PARVB: variants seen among roughly 807,000 people sequenced by gnomAD.
The protein encoded by PARVB is beta-parvin.
Under a neutral mutation model 47.0 loss-of-function variants are expected in PARVB, and 46 were observed. That is an observed-to-expected ratio of 0.98 (90% CI 0.77 to 1.25). The LOEUF (loss-of-function observed/expected upper bound fraction) is 1.25. Among genes scored for constraint, PARVB ranks in the 50% most tolerant of loss-of-function variants. PARVB has a pLI of 0.00. For synonymous variants in PARVB, 196 were observed against 196.3 expected, an observed-to-expected ratio of 1.00 and a Z score of 0.01; for missense variants, 473 against 471.6, an observed-to-expected ratio of 1.00 and a Z score of -0.03.
intron 2 of PARVB, among the ~76,000 whole-genome samples, chr22:44,097,056 A>C (rs956756123): frequency 2.0e-5 from 3 of 149,058 alleles, no homozygotes; most frequent in African/African-American, 7.4e-5. Context: ...GTCCTGCCTC[A>C]GTCTTGGAGC....
chr22:44,021,525 C>T (rs2050647631), upstream of PARVB, among the ~76,000 whole-genome samples: 2 of 152,090 alleles, frequency 1.3e-5, no homozygotes, highest in Non-Finnish European at 1.5e-5. Context: ...AAGCTGTTTC[C>T]ACACTGCTTC....
chr22:44,098,392 T>A (rs1006379131), intron 2 of PARVB, among the ~76,000 whole-genome samples: 2 of 151,984 alleles, frequency 1.3e-5, no homozygotes, highest in African/African-American at 4.8e-5. Context: ...GCTGGGGAGC[T>A]GAGGTCTGAA....
At chr22:44,010,889 ATT>A (rs1184137879) in intron 2 of PARVB, among the ~76,000 whole-genome samples, 54 of 129,692 alleles carry the variant, frequency 4.2e-4, no homozygotes, top group African/African-American at 1.2e-3. Flanking sequence ...CACCATGCCT[ATT>A]TTTTTTTTTT....
intron 10 of PARVB, chr22:44,152,955 CAAAT>C (rs1354931662): frequency 1.3e-5 from 2 of 152,270 alleles, no homozygotes; most frequent in Admixed American, 1.3e-4. Flanking sequence ...ATAAGCAAAA[CAAAT>C]AAAAATCACC....
intron 2 of PARVB, 126 bp from the exon 3 acceptor site, chr22:44,099,927 T>C: frequency 1.3e-6 from 1 of 748,908 alleles, no homozygotes; most frequent in Non-Finnish European, 2.3e-6. Context: ...TTCCTTGCAG[T>C]CACCCTCCCC....
At chr22:44,056,389 C>T (rs565469523) in intron 1 of PARVB, among the ~76,000 whole-genome samples, 7 of 152,322 alleles carry the variant, frequency 4.6e-5, no homozygotes, top group South Asian at 2.1e-4. Context: ...CAGCGTTGCC[C>T]GGGTTCGAAT....
intron 2 of PARVB, among the ~76,000 whole-genome samples, chr22:44,098,998 C>T (rs1053365635): frequency 1.3e-4 from 20 of 152,282 alleles, no homozygotes; most frequent in Middle Eastern, 3.4e-3. Flanking sequence ...TCATTCTGAC[C>T]GACATGGTCA....
upstream of PARVB, among the ~76,000 whole-genome samples, chr22:44,020,041 G>T (rs911186045): frequency 6.6e-6 from 1 of 152,124 alleles, no homozygotes; most frequent in African/African-American, 2.4e-5. Context: ...ATTTCTCCCC[G>T]CCAGCAAGTC....
At position 44,131,682 on chromosome 22, in the gene PARVB, C is replaced by T; in HGVS notation, c.517+55C>T. The T allele has an allele frequency of 3.3e-6, 5 of 1,523,138 alleles. No individual in the cohort carries two copies. The South Asian group carries it at 6.4e-5, about 19-fold the overall frequency. 94.4% of individuals were successfully genotyped at this position (1,523,138 alleles called of 1,614,324 possible). On this transcript the variant is annotated intron_variant, in intron 5 of 12. Coordinates refer to ENST00000338758, the MANE Select transcript of PARVB (RefSeq NM_013327.5). ...GTCTGGAGGGAGCCCGTCCTCTCGA[C>T]ATTCGTCATCCACATTTGTCATCCA...
chr22:44,069,962 C>CT (rs1432052687), intron 1 of PARVB, among the ~76,000 whole-genome samples: 1 of 152,192 alleles, frequency 6.6e-6, no homozygotes, highest in Non-Finnish European at 1.5e-5. Context: ...GTAGAAGGTG[C>CT]TTTGCACTGG....
intron 3 of PARVB, chr22:44,108,204 G>A (rs116075463): frequency 2.0e-5 from 3 of 152,184 alleles, no homozygotes; most frequent in African/African-American, 7.2e-5. Flanking sequence ...AACCTTTATA[G>A]TAAGTTGGTA....
At chr22:44,130,274 G>A (rs2053280784) in intron 4 of PARVB, among the ~76,000 whole-genome samples, 1 of 152,216 alleles carries the variant, frequency 6.6e-6, no homozygotes. Context: ...CGTCGCTTTT[G>A]TTGTTTTGCA....
chr22:44,120,039 C>T, intron 4 of PARVB: 1 of 364,386 alleles, frequency 2.7e-6, no homozygotes, highest in African/African-American at 2.1e-5. Context: ...GGGGGCAGTA[C>T]TGCCATCGCC....
At chr22:44,102,514 G>A (rs1244570172) in intron 3 of PARVB, among the ~76,000 whole-genome samples, 1 of 152,132 alleles carries the variant, frequency 6.6e-6, no homozygotes, top group East Asian at 1.9e-4. Flanking sequence ...GGGGAGCTGT[G>A]TCATTCTTGC....
chr22:44,016,310 A>C lies in PARVB; in HGVS notation c.211+16637A>C, dbSNP rs7289219. Among the ~76,000 whole-genome samples the C allele has an allele frequency of 9.6e-3, 1,447 of 151,518 alleles. 25 individuals carry two copies. The highest frequency in any genetic ancestry group is 0.027 in the African/African-American group (1,097 of 41,368). ...ACGGGGTTTCACCGTGTTAGCCAGGATGGTCTCGATCTCCTGACTTCGTGA... is the reference window on the plus strand; with the variant it reads ...ACGGGGTTTCACCGTGTTAGCCAGGCTGGTCTCGATCTCCTGACTTCGTGA... On this transcript the variant is annotated intron_variant, in intron 2 of 13. Coordinates refer to the PARVB transcript ENST00000406477.
intron 1 of PARVB, among the ~76,000 whole-genome samples, chr22:44,039,041 A>G (rs1478574404): frequency 1.3e-5 from 2 of 152,198 alleles, no homozygotes; most frequent in Non-Finnish European, 2.9e-5. Flanking sequence ...CACCTGGGAA[A>G]TGCACATGAG....
chr22:44,122,581 A>C (rs1417824772), intron 4 of PARVB, among the ~76,000 whole-genome samples: 1 of 138,820 alleles, frequency 7.2e-6, no homozygotes, highest in Non-Finnish European at 1.5e-5. Context: ...AGAGAGAGAG[A>C]GAGAGAGAGA....
intron 10 of PARVB, among the ~76,000 whole-genome samples, chr22:44,154,544 T>G (rs2053878953): frequency 6.7e-6 from 1 of 149,850 alleles, no homozygotes. Flanking sequence ...GGTGTGTGTG[T>G]GTGTGTGTGT....
Position 44,036,197 on chromosome 22 carries a change from C to G in PARVB, c.112+11746C>G, listed in dbSNP as rs184884407. Among the ~76,000 whole-genome samples the G allele has an allele frequency of 7.4e-4, 113 of 152,268 alleles. 1 individual carries two copies. Among genetic ancestry groups the G allele is most frequent in the African/African-American group, 2.6e-3 (110 of 41,554 alleles). ...ACTTGAACCCAGGAGGCAGACATTG[C>G]AGTGAGCCAAAATCATGCCACTGCA... On this transcript the variant is annotated intron_variant, in intron 1 of 12. Coordinates refer to ENST00000338758, the MANE Select transcript of PARVB (RefSeq NM_013327.5).
Sources: allele counts gnomAD v4.1 joint callset (sites outside exome capture counted in the v4.1 genomes callset), GRCh38; gene constraint gnomAD v4.1.1; transcripts MANE v1.5; gene names NCBI Gene and HGNC (gene_info 2026-07-23, HGNC 2026-07-21).